Variants in PDE10A observed in about 807,000 individuals in gnomAD.
PDE10A encodes phosphodiesterase 10A.
Under a neutral mutation model 97.7 loss-of-function variants are expected in PDE10A, and 39 were observed. The observed-to-expected ratio is 0.40, with a 90% CI of 0.31 to 0.52. The LOEUF (loss-of-function observed/expected upper bound fraction) is 0.52. Among genes scored for constraint, PDE10A ranks in the 20% least tolerant of loss-of-function variants. The probability of loss-of-function intolerance (pLI) is 0.56; values close to 1 mark genes in which losing one functional copy is unlikely to be tolerated. For synonymous variants in PDE10A, 371 were observed against 376.8 expected (o/e 0.98, Z 0.18); for missense variants, 731 against 1,047.8 (o/e 0.70, Z 4.17).
intron 2 of PDE10A, among the ~76,000 whole-genome samples, chr6:165,512,623 G>A (rs1781567033): frequency 6.6e-6 from 1 of 151,926 alleles, no homozygotes; most frequent in Non-Finnish European, 1.5e-5. Flanking sequence ...CCAGTTTGGA[G>A]CTATACTGAA....
chr6:165,341,876 A>G (rs1487369145), intron 19 of PDE10A, among the ~76,000 whole-genome samples: 2 of 152,196 alleles, frequency 1.3e-5, no homozygotes, highest in Admixed American at 6.5e-5. Context: ...TAGCTCAGAG[A>G]CAATTAGCAT....
intron 3 of PDE10A, among the ~76,000 whole-genome samples, chr6:165,460,590 C>T (rs541355253): frequency 1.3e-5 from 2 of 152,274 alleles, no homozygotes; most frequent in South Asian, 4.1e-4. Context: ...CAGCACTGGC[C>T]GTCCGATTGG....
chr6:165,835,324 G>A (rs150266123), intron 1 of PDE10A, among the ~76,000 whole-genome samples: 14 of 152,330 alleles, frequency 9.2e-5, no homozygotes, highest in Non-Finnish European at 1.9e-4. Flanking sequence ...TATACGGATG[G>A]GCTTTGGCAG....
At chr6:165,564,594 T>A (rs1376098649) in intron 1 of PDE10A, among the ~76,000 whole-genome samples, 3 of 152,160 alleles carry the variant, frequency 2.0e-5, no homozygotes, top group Non-Finnish European at 4.4e-5. Context: ...TACTTCCTTG[T>A]CCAGTCAAGC....
chr6:165,664,777 G>C (rs1376224581), upstream of PDE10A, among the ~76,000 whole-genome samples: 1 of 152,230 alleles, frequency 6.6e-6, no homozygotes, highest in East Asian at 1.9e-4. Context: ...CACATTTAGG[G>C]AAGTCGAGTT....
At chr6:165,814,510 G>C (rs1779359272) in intron 1 of PDE10A, among the ~76,000 whole-genome samples, 1 of 151,544 alleles carries the variant, frequency 6.6e-6, no homozygotes, top group Non-Finnish European at 1.5e-5. Context: ...ATTTACTTTT[G>C]ATAAATTATT....
intron 1 of PDE10A, among the ~76,000 whole-genome samples, chr6:165,635,843 A>G (rs971322503): frequency 6.6e-6 from 1 of 152,258 alleles, no homozygotes; most frequent in African/African-American, 2.4e-5. Context: ...AAATAGAGGT[A>G]GACATATCTT....
intron 1 of PDE10A, among the ~76,000 whole-genome samples, chr6:165,602,358 G>A (rs1207227904): frequency 1.3e-5 from 2 of 152,066 alleles, no homozygotes; most frequent in African/African-American, 4.8e-5. Flanking sequence ...AGTGGACTCT[G>A]GGGAATAATC....
intron 1 of PDE10A, among the ~76,000 whole-genome samples, chr6:165,873,285 C>G (rs1347644858): frequency 6.6e-6 from 1 of 152,154 alleles, no homozygotes; most frequent in Non-Finnish European, 1.5e-5. Context: ...GAGTTCTCAA[C>G]ATATCCAAAA....
intron 3 of PDE10A, among the ~76,000 whole-genome samples, chr6:165,454,110 C>A (rs1419653867): frequency 6.6e-6 from 1 of 152,198 alleles, no homozygotes; most frequent in Admixed American, 6.5e-5. Context: ...GGACCAGTTA[C>A]CCCCTTTCTT....
intron 1 of PDE10A, among the ~76,000 whole-genome samples, chr6:165,767,034 T>C (rs1450654963): frequency 6.6e-6 from 1 of 152,228 alleles, no homozygotes; most frequent in Non-Finnish European, 1.5e-5. Flanking sequence ...ATTTATACCT[T>C]TAGCTAAAAT....
At chr6:165,398,174 A>T (rs923857190) in intron 13 of PDE10A, among the ~76,000 whole-genome samples, 2 of 152,180 alleles carry the variant, frequency 1.3e-5, no homozygotes, top group African/African-American at 4.8e-5. Context: ...CTGTTTGAGA[A>T]ACATATTCCT....
At chr6:165,869,139 T>G in intron 1 of PDE10A, among the ~76,000 whole-genome samples, 1 of 152,018 alleles carries the variant, frequency 6.6e-6, no homozygotes, top group East Asian at 1.9e-4. Flanking sequence ...GCATTCAAAT[T>G]AGAAAAGAAG....
upstream of PDE10A, among the ~76,000 whole-genome samples, chr6:165,663,918 G>T (rs764065158): frequency 3.3e-5 from 5 of 152,180 alleles, no homozygotes; most frequent in East Asian, 7.7e-4. Flanking sequence ...CCCAATGGGC[G>T]CTCAGAACTA....
At chr6:165,809,414 C>T (rs1779221077) in intron 1 of PDE10A, among the ~76,000 whole-genome samples, 1 of 152,210 alleles carries the variant, frequency 6.6e-6, no homozygotes, top group Non-Finnish European at 1.5e-5. Context: ...TTTGCATCCT[C>T]CTCACACTGC....
intron 1 of PDE10A, among the ~76,000 whole-genome samples, chr6:165,619,265 T>C (rs1393522689): frequency 2.0e-5 from 3 of 151,358 alleles, no homozygotes; most frequent in Non-Finnish European, 4.4e-5. Context: ...TAGTGTAGTG[T>C]AGTCTAGCGT....
intron 1 of PDE10A, among the ~76,000 whole-genome samples, chr6:165,916,705 G>A (rs1782614048): frequency 6.6e-6 from 1 of 152,168 alleles, no homozygotes; most frequent in Non-Finnish European, 1.5e-5. Context: ...TCAAAAGATT[G>A]TAAAAATAAA....
At chr6:165,566,501 C>T (rs182958549) in intron 1 of PDE10A, among the ~76,000 whole-genome samples, 150 of 152,234 alleles carry the variant, frequency 9.9e-4, no homozygotes, top group African/African-American at 1.7e-3. Context: ...GAAGACAGTT[C>T]GGCAGCTCTG....
rs80208449 is a variant in PDE10A at position 165,941,524 on chromosome 6, G to A, written c.-615+46005C>T. 3.3e-3 allele frequency among the ~76,000 whole-genome samples: 503 copies of A among 152,256 alleles called. 6 individuals carry two copies. The highest frequency in any genetic ancestry group is 0.012 in the African/African-American group (490 of 41,550). On this transcript the variant is annotated intron_variant, in intron 1 of 19. Coordinates refer to the PDE10A transcript ENST00000366882. Reference sequence around the variant, plus strand: ...GTTGAATTTTAATCTGCAACATCCCGGTGGGGGATGTCGGGATCATGGAGG... The same window carrying A: ...GTTGAATTTTAATCTGCAACATCCCAGTGGGGGATGTCGGGATCATGGAGG...
Sources: allele counts gnomAD v4.1 joint callset (sites outside exome capture counted in the v4.1 genomes callset), GRCh38; gene constraint gnomAD v4.1.1; transcripts MANE v1.5; gene names NCBI Gene and HGNC (gene_info 2026-07-23, HGNC 2026-07-21).